STX8: variants seen among roughly 807,000 people sequenced by gnomAD.
STX8 encodes the protein syntaxin-8.
A neutral mutation model predicts 37.5 loss-of-function variants in STX8; 23 were observed. That is an observed-to-expected ratio of 0.61 (90% CI 0.44 to 0.87). The LOEUF (loss-of-function observed/expected upper bound fraction) is 0.87, where lower values mean the gene tolerates loss of function less well. Among genes scored for constraint, STX8 ranks in the 40% least tolerant of loss-of-function variants. The pLI, the probability that STX8 is intolerant of heterozygous loss-of-function variation, is 0.00. For synonymous variants in STX8, 115 were observed against 99.1 expected (o/e 1.16, Z -0.95); for missense variants, 313 against 284.7 (o/e 1.10, Z -0.71).
chr17:9,329,050 C>CAAAAAAAA lies in STX8; in HGVS notation c.643+49494_643+49501dup, dbSNP rs998679728. On this transcript the variant is annotated intron_variant, in intron 7 of 7. Coordinates refer to ENST00000306357, the MANE Select transcript of STX8 (RefSeq NM_004853.3). Reference sequence around the variant, plus strand: ...GGGCGACAAGAGCGAGATTCCATCTCAAAAAAAAAAAAAAAAAAAAAAAAA... The same window carrying CAAAAAAAA: ...GGGCGACAAGAGCGAGATTCCATCTCAAAAAAAAAAAAAAAAAAAAAAAAAAAAAAAAA... 1.2e-3 allele frequency among the ~76,000 whole-genome samples: 33 copies of CAAAAAAAA among 27,998 alleles called. 2 individuals carry two copies. Among genetic ancestry groups the CAAAAAAAA allele is most frequent in the South Asian group, 3.6e-3 (1 of 276 alleles). 18.4% of individuals were successfully genotyped at this position (27,998 alleles called of 152,430 possible). A position where few individuals can be genotyped will look rare whatever the true frequency, so the allele number is the denominator to read the frequency against.
At chr17:9,397,135 C>T (rs953975970) in intron 6 of STX8, among the ~76,000 whole-genome samples, 2 of 152,166 alleles carry the variant, frequency 1.3e-5, no homozygotes, top group Non-Finnish European at 2.9e-5. Flanking sequence ...CGGTGGCCCA[C>T]GCCTGTAATC....
chr17:9,387,461 A>AT (rs1237396941), intron 6 of STX8, among the ~76,000 whole-genome samples: 2 of 152,020 alleles, frequency 1.3e-5, no homozygotes, highest in African/African-American at 4.8e-5. Context: ...CACCCGGCTA[A>AT]TTTTTTGTAT....
chr17:9,306,088 C>T (rs1908975178), intron 7 of STX8, among the ~76,000 whole-genome samples: 1 of 151,976 alleles, frequency 6.6e-6, no homozygotes, highest in Non-Finnish European at 1.5e-5. Context: ...TTTTATTATA[C>T]TATTTATACG....
At chr17:9,316,416 G>A (rs1909383598) in intron 7 of STX8, among the ~76,000 whole-genome samples, 1 of 152,048 alleles carries the variant, frequency 6.6e-6, no homozygotes, top group South Asian at 2.1e-4. Flanking sequence ...TGACCTCCGG[G>A]AAGAGGAGAG....
At chr17:9,352,845 T>C (rs146866186) in intron 7 of STX8, among the ~76,000 whole-genome samples, 212 of 152,214 alleles carry the variant, frequency 1.4e-3, no homozygotes, top group African/African-American at 4.8e-3. Flanking sequence ...TCAGTATCTA[T>C]AATCCATTAA....
chr17:9,489,417 C>T (rs6503212), intron 6 of STX8, among the ~76,000 whole-genome samples: 126,665 of 152,112 alleles, frequency 0.83, 54,056 homozygotes, highest in Non-Finnish European at 0.94. Context: ...AAGATAAAGA[C>T]GTGCGGCTTG....
chr17:9,510,897 C>T (rs1905001191), intron 4 of STX8, among the ~76,000 whole-genome samples: 1 of 151,208 alleles, frequency 6.6e-6, no homozygotes, highest in African/African-American at 2.4e-5. Context: ...ATGACTCAAA[C>T]AAATAAAATC....
intron 6 of STX8, among the ~76,000 whole-genome samples, chr17:9,426,824 T>A (rs1250047010): frequency 1.3e-5 from 2 of 152,138 alleles, no homozygotes; most frequent in African/African-American, 4.8e-5. Context: ...TTCAGAGGTT[T>A]TACACTGAGC....
At chr17:9,388,716 T>C (rs1597641095) in intron 6 of STX8, among the ~76,000 whole-genome samples, 1 of 151,088 alleles carries the variant, frequency 6.6e-6, no homozygotes, top group African/African-American at 2.4e-5. Flanking sequence ...GGCAGGAGAA[T>C]TGCTTGAACC....
intron 7 of STX8, among the ~76,000 whole-genome samples, chr17:9,336,592 CG>C (rs1251943128): frequency 6.6e-6 from 1 of 152,034 alleles, no homozygotes; most frequent in African/African-American, 2.4e-5. Flanking sequence ...CCCGCCAACA[CG>C]TCCAGCTAAT....
intron 5 of STX8, among the ~76,000 whole-genome samples, chr17:9,497,500 A>G (rs902147568): frequency 2.6e-5 from 4 of 152,214 alleles, no homozygotes; most frequent in African/African-American, 9.6e-5. Context: ...TAGGATGGGT[A>G]GGTTACGGGA....
chr17:9,457,725 T>C (rs1294717929), intron 6 of STX8, among the ~76,000 whole-genome samples: 1 of 152,250 alleles, frequency 6.6e-6, no homozygotes, highest in African/African-American at 2.4e-5. Context: ...AAGTTTCAGA[T>C]GCCACATCCA....
At chr17:9,548,881 A>G (rs1287615568) in intron 3 of STX8, among the ~76,000 whole-genome samples, 1 of 152,212 alleles carries the variant, frequency 6.6e-6, no homozygotes, top group East Asian at 1.9e-4. Context: ...TCTGATATAT[A>G]AACATTGCCT....
At chr17:9,480,504 G>A (rs1906283176) in intron 6 of STX8, among the ~76,000 whole-genome samples, 1 of 152,158 alleles carries the variant, frequency 6.6e-6, no homozygotes, top group Non-Finnish European at 1.5e-5. Context: ...TGCTGATTTT[G>A]CACATCAACT....
At chr17:9,488,800 AAGAGAGAGAG>A (rs201248571) in intron 6 of STX8, among the ~76,000 whole-genome samples, 43 of 140,906 alleles carry the variant, frequency 3.1e-4, no homozygotes, top group African/African-American at 1.0e-3. Flanking sequence ...TTAAGAGAGA[AAGAGAGAGAG>A]AGAGAGAGAG....
Position 9,327,285 on chromosome 17 carries a change from GAAA to G in STX8, c.643+51264_643+51266del, listed in dbSNP as rs1434433202. ...AGGAGGAGGAAGGAGGAAGAAGGAA[GAAA>G]GAAGAAGAAGAAAGAAAGAAGAAGA... On this transcript the variant is annotated intron_variant, in intron 7 of 7. Transcript: ENST00000306357. Among the ~76,000 whole-genome samples the G allele has an allele frequency of 1.5e-3, 220 of 147,108 alleles. 3 individuals are homozygous for G. The highest frequency in any genetic ancestry group is 5.1e-3 in the African/African-American group (195 of 38,308).
intron 4 of STX8, among the ~76,000 whole-genome samples, chr17:9,540,232 C>T (rs1056085746): frequency 2.0e-5 from 3 of 152,192 alleles, no homozygotes; most frequent in Admixed American, 6.5e-5. Context: ...TGCTGGTCCT[C>T]GATAGGTCCA....
At chr17:9,532,719 C>T (rs1244138988) in intron 4 of STX8, among the ~76,000 whole-genome samples, 2 of 152,044 alleles carry the variant, frequency 1.3e-5, no homozygotes, top group African/African-American at 4.8e-5. Flanking sequence ...CACTATCAAC[C>T]AAACCGACTC....
At chr17:9,389,923 C>A (rs1008599243) in intron 6 of STX8, among the ~76,000 whole-genome samples, 3 of 152,086 alleles carry the variant, frequency 2.0e-5, no homozygotes, top group Non-Finnish European at 4.4e-5. Context: ...GGAAAAGATA[C>A]ATTCCAGAGA....
Sources: gnomAD v4.1 joint callset for allele counts (sites outside exome capture counted in the v4.1 genomes callset) on GRCh38, gnomAD v4.1.1 for gene constraint, MANE v1.5 for transcripts, NCBI Gene and HGNC (gene_info 2026-07-23, HGNC 2026-07-21) for gene names.